The following ATP11C variants were observed in gnomAD, a reference collection of about 807,000 sequenced individuals.
ATP11C encodes the protein phospholipid-transporting ATPase IG.
A neutral mutation model predicts 97.4 loss-of-function variants in ATP11C; 36 were observed. That is an observed-to-expected ratio of 0.37 (90% CI 0.28 to 0.49). The LOEUF (loss-of-function observed/expected upper bound fraction) is 0.49. Among genes scored for constraint, ATP11C ranks in the 20% least tolerant of loss-of-function variants. The probability of loss-of-function intolerance (pLI) is 0.98; values close to 1 mark genes in which losing one functional copy is unlikely to be tolerated. For synonymous variants in ATP11C, 275 were observed against 290.9 expected (o/e 0.95, Z 0.56); for missense variants, 730 against 824.6 (o/e 0.89, Z 1.40).
chrX:139,763,567 T>C, intron 20 of ATP11C, 149 bp from the exon 21 acceptor site: 1 of 441,130 alleles, frequency 2.3e-6, no homozygotes, highest in East Asian at 3.8e-5. Context: ...TCCCTCAGTA[T>C]CCTTGGAGGA....
chrX:139,809,590 T>C (rs935570185), intron 5 of ATP11C, among the ~76,000 whole-genome samples: 7 of 112,151 alleles, frequency 6.2e-5, no homozygotes, highest in African/African-American at 2.3e-4. Context: ...GTTCTGGAAA[T>C]GGATAGTGGT....
At chrX:139,930,804 G>C (rs1009901674) in intron 1 of ATP11C, among the ~76,000 whole-genome samples, 5 of 112,304 alleles carry the variant, frequency 4.5e-5, no homozygotes, top group African/African-American at 1.6e-4. Flanking sequence ...GGATGTGCAA[G>C]TATTACTTTT....
intron 1 of ATP11C, among the ~76,000 whole-genome samples, chrX:139,894,737 A>T (rs898844106): frequency 7.1e-5 from 8 of 112,368 alleles, no homozygotes; most frequent in Non-Finnish European, 1.5e-4. Flanking sequence ...AAAATATTAC[A>T]GGTATCCCAA....
chrX:139,788,713 CT>C (rs759462032), intron 13 of ATP11C, among the ~76,000 whole-genome samples: 147 of 111,940 alleles, frequency 1.3e-3, no homozygotes, highest in Non-Finnish European at 2.4e-3. Context: ...ACTCCTGAGA[CT>C]TTAATCATTT....
intron 1 of ATP11C, among the ~76,000 whole-genome samples, chrX:139,874,052 T>G (rs1315146462): frequency 5.6e-5 from 6 of 107,528 alleles, no homozygotes; most frequent in African/African-American, 1.7e-4. Context: ...CAGGTTTTTT[T>G]TTTTTTTTTA....
chrX:139,793,582 T>A (rs2082736273), intron 12 of ATP11C, among the ~76,000 whole-genome samples: 1 of 111,700 alleles, frequency 9.0e-6, no homozygotes. Context: ...TTGGACTCCA[T>A]CTTGGCTCCA....
chrX:139,815,443 T>C (rs1025698802), intron 4 of ATP11C, among the ~76,000 whole-genome samples: 1 of 112,114 alleles, frequency 8.9e-6, no homozygotes, highest in East Asian at 2.8e-4. Context: ...TTTAATTATT[T>C]CTCACCCACA....
At position 139,782,710 on chromosome X, in the gene ATP11C, A is replaced by G; in HGVS notation, c.1789T>C (p.Cys597Arg). The G allele has an allele frequency of 8.4e-7, 1 of 1,196,588 alleles. No individual in the cohort carries two copies. Among genetic ancestry groups the G allele is most frequent in the Non-Finnish European group, 1.1e-6 (1 of 885,777 alleles). ...RNAMDGYRTLCVAFKEIAPDD... is the reference protein window; with the variant it reads ...RNAMDGYRTLRVAFKEIAPDD... ...GGAGCAATTTCTTTGAAGGCTACAC[A>G]GAGTGTCCGATACCCATCCTAGGAG... Residue 597 changes from cysteine (C) to arginine (R), a missense_variant, in exon 18 of 30, where the codon TGT (cysteine) becomes CGT (arginine). Transcript: ENST00000682941.
At chrX:139,748,336 T>A (rs1791767778) in intron 24 of ATP11C, among the ~76,000 whole-genome samples, 1 of 110,393 alleles carries the variant, frequency 9.1e-6, no homozygotes, top group Admixed American at 9.6e-5. Flanking sequence ...TCAGCCCAGG[T>A]GTTAGTCTGA....
intron 23 of ATP11C, among the ~76,000 whole-genome samples, chrX:139,754,331 T>C (rs1358872280): frequency 1.8e-5 from 2 of 110,576 alleles, no homozygotes; most frequent in African/African-American, 3.3e-5. Context: ...CTTCAAAAAC[T>C]GAAAGGTAAT....
At chrX:139,778,627 G>A (rs1358775994) in intron 18 of ATP11C, among the ~76,000 whole-genome samples, 18 of 111,492 alleles carry the variant, frequency 1.6e-4, no homozygotes, top group Non-Finnish European at 5.6e-5. Flanking sequence ...TCATGAGTTC[G>A]AGACCAGCCT....
At chrX:139,910,813 A>G (rs1459809290) in intron 1 of ATP11C, among the ~76,000 whole-genome samples, 2 of 109,781 alleles carry the variant, frequency 1.8e-5, no homozygotes, top group East Asian at 5.7e-4. Context: ...CTAACGTTAC[A>G]GATACATGAT....
intron 1 of ATP11C, among the ~76,000 whole-genome samples, chrX:139,901,293 C>T (rs59889622): frequency 0.019 from 2,115 of 111,648 alleles, 60 homozygotes; most frequent in African/African-American, 0.065. Flanking sequence ...TGACTGGAAT[C>T]GACAAGTAGA....
intron 1 of ATP11C, among the ~76,000 whole-genome samples, chrX:139,882,072 G>C (rs1037001933): frequency 1.8e-5 from 2 of 111,452 alleles, no homozygotes; most frequent in Non-Finnish European, 3.8e-5. Context: ...CTTCTCCCCA[G>C]ATCTGCCTGT....
In ATP11C at chrX:139,890,784, A is replaced by G. The variant is rs967212094; in HGVS notation, c.27+41232T>C. 2.7e-5 allele frequency among the ~76,000 whole-genome samples: 3 copies of G among 111,554 alleles called. 1 individual carries two copies. In the South Asian group the frequency reaches 1.1e-3, roughly 42 times the overall value. ...GAGTGGGGGGTGTATAAAGTGCAAC[A>G]GCATCCAACAGGCTGGAGTACGCCA... On this transcript the variant is annotated intron_variant, in intron 1 of 29. Transcript: ENST00000682941.
chrX:139,753,027 C>G, intron 23 of ATP11C, among the ~76,000 whole-genome samples: 1 of 111,536 alleles, frequency 9.0e-6, no homozygotes, highest in Non-Finnish European at 1.9e-5. Context: ...GCCAAAGAGA[C>G]TTCAACACCC....
chrX:139,776,319 C>G (rs2082348037), intron 18 of ATP11C, among the ~76,000 whole-genome samples: 1 of 112,030 alleles, frequency 8.9e-6, no homozygotes, highest in Non-Finnish European at 1.9e-5. Flanking sequence ...AACTCCAACT[C>G]CCTACACAGA....
At chrX:139,931,065 C>T (rs1489962640) in intron 1 of ATP11C, among the ~76,000 whole-genome samples, 1 of 111,707 alleles carries the variant, frequency 9.0e-6, no homozygotes, top group East Asian at 2.8e-4. Context: ...GAAATAAAAT[C>T]CTATTCCCGC....
chrX:139,786,136 T>C (rs1167943061), intron 15 of ATP11C, among the ~76,000 whole-genome samples: 2 of 111,620 alleles, frequency 1.8e-5, no homozygotes, highest in Non-Finnish European at 3.8e-5. Context: ...TGGAATGACA[T>C]GATGAGACTG....
Sources: gnomAD v4.1 joint callset for allele counts (sites outside exome capture counted in the v4.1 genomes callset) on GRCh38, gnomAD v4.1.1 for gene constraint, MANE v1.5 for transcripts, NCBI Gene and HGNC (gene_info 2026-07-23, HGNC 2026-07-21) for gene names.